The following UNC5D variants were observed in gnomAD, a reference collection of about 807,000 sequenced individuals.
UNC5D encodes netrin receptor UNC5D.
UNC5D carries 39 observed loss-of-function variants against 105.4 expected under a neutral mutation model. The observed-to-expected ratio is 0.37, with a 90% CI of 0.29 to 0.48. The LOEUF (loss-of-function observed/expected upper bound fraction) is 0.48, where lower values mean the gene tolerates loss of function less well. Ranked by LOEUF, UNC5D falls within the 20% of genes least tolerant of loss-of-function variation. The pLI, the probability that UNC5D is intolerant of heterozygous loss-of-function variation, is 0.98. For synonymous variants in UNC5D, 452 were observed against 450.4 expected (o/e 1.00, Z -0.04); for missense variants, 991 against 1,202.4 (o/e 0.82, Z 2.60).
chr8:35,683,718 G>C lies in UNC5D; in HGVS notation c.742G>C (p.Val248Leu), dbSNP rs1825822282. The change falls in exon 5 of 17, where the codon GTG becomes CTG. Residue 248 changes from valine (V) to leucine (L), a missense_variant. Physicochemically the swap from Val to Leu is conservative, Grantham distance 32. Around this residue, in one of 3 missense-constraint regions of UNC5D, gnomAD observed 944 missense variants for 1,131.6 expected, o/e 0.83. Coordinates refer to ENST00000404895, the MANE Select transcript of UNC5D (RefSeq NM_080872.4). ...GAGGAGAAGCCTGTCGGCCACTGTTGTGGTCTACGGTAAGACCATTCCAAA... is the reference window on the plus strand; with the variant it reads ...GAGGAGAAGCCTGTCGGCCACTGTTCTGGTCTACGGTAAGACCATTCCAAA... Reference protein sequence around the residue: ...AKRRSLSATVVVYVNGGWSSW... With the variant: ...AKRRSLSATVLVYVNGGWSSW... 6.5e-7 allele frequency: 1 copy of C among 1,538,810 alleles called. No individual in the cohort carries two copies. The highest frequency in any genetic ancestry group is 1.4e-5 in the African/African-American group (1 of 70,576).
At chr8:35,722,839 A>G (rs1358342400) in intron 9 of UNC5D, among the ~76,000 whole-genome samples, 2 of 149,956 alleles carry the variant, frequency 1.3e-5, no homozygotes, top group Non-Finnish European at 2.9e-5. Flanking sequence ...TTCTATTTTA[A>G]ATAAGTAAAC....
intron 16 of UNC5D, among the ~76,000 whole-genome samples, chr8:35,777,052 G>C (rs569359292): frequency 2.6e-4 from 39 of 152,148 alleles, no homozygotes; most frequent in Admixed American, 1.7e-3. Context: ...TCAGGAGTTC[G>C]AGACCAGCCT....
intron 16 of UNC5D, among the ~76,000 whole-genome samples, chr8:35,788,700 GCACACACACA>G (rs150561818): frequency 6.8e-6 from 1 of 146,652 alleles, no homozygotes; most frequent in African/African-American, 2.5e-5. Flanking sequence ...ACACACACAC[GCACACACACA>G]CACACACACA....
intron 4 of UNC5D, among the ~76,000 whole-genome samples, chr8:35,668,557 G>A (rs754729235): frequency 4.6e-5 from 7 of 151,898 alleles, no homozygotes; most frequent in African/African-American, 9.7e-5. Flanking sequence ...CTTTCTTATG[G>A]TACTTTTGTG....
intron 1 of UNC5D, among the ~76,000 whole-genome samples, chr8:35,391,800 C>T (rs1254917860): frequency 2.0e-5 from 3 of 152,168 alleles, no homozygotes; most frequent in Non-Finnish European, 4.4e-5. Context: ...GGCATAAAAA[C>T]TTTGGTCTGG....
At chr8:35,246,442 C>T (rs72632793) in intron 1 of UNC5D, among the ~76,000 whole-genome samples, 7,614 of 152,056 alleles carry the variant, frequency 0.05, 231 homozygotes, top group Non-Finnish European at 0.076. Flanking sequence ...AAATCAGTGG[C>T]TGTAGGTTAA....
intron 1 of UNC5D, among the ~76,000 whole-genome samples, chr8:35,315,656 A>G (rs1265348792): frequency 6.6e-6 from 1 of 152,194 alleles, no homozygotes; most frequent in Non-Finnish European, 1.5e-5. Flanking sequence ...AAGGGGAGCG[A>G]AAGCATGTGC....
intron 1 of UNC5D, among the ~76,000 whole-genome samples, chr8:35,428,736 C>T (rs1435819974): frequency 6.6e-6 from 1 of 152,142 alleles, no homozygotes; most frequent in African/African-American, 2.4e-5. Flanking sequence ...GGTTTTCTAA[C>T]ATCACTTAAC....
rs558287599 is a variant in UNC5D at position 35,575,610 on chromosome 8, A to G, written c.466+7369A>G. ...TCCACTGCTCCCTTCCTATCTGTTC[A>G]GAATGTGGATATATTCCCATGGCAT... On this transcript the variant is annotated intron_variant, in intron 3 of 16. Coordinates refer to ENST00000404895, the MANE Select transcript of UNC5D (RefSeq NM_080872.4). Among the ~76,000 whole-genome samples, 191 of 152,298 alleles carry G rather than the reference A, an allele frequency of 1.3e-3. 5 individuals carry two copies. The South Asian group carries it at 0.038, about 30-fold the overall frequency.
At position 35,755,523 on chromosome 8, in the gene UNC5D, A is replaced by G. The variant is rs7012359; in HGVS notation, c.2164-3797A>G. On this transcript the variant is annotated intron_variant, in intron 13 of 16. Transcript: ENST00000404895. ...AAGTTCAAACAGTTTTGTCTCATAA[A>G]TATGTAAATTTAGCCTGCTTGTTTT... Among the ~76,000 whole-genome samples, 1,325 of 151,428 alleles carry G rather than the reference A, an allele frequency of 8.8e-3. 22 individuals carry two copies. Among genetic ancestry groups the G allele is most frequent in the African/African-American group, 0.031 (1,276 of 40,832 alleles).
At chr8:35,345,655 A>G (rs556441428) in intron 1 of UNC5D, among the ~76,000 whole-genome samples, 1 of 152,188 alleles carries the variant, frequency 6.6e-6, no homozygotes, top group African/African-American at 2.4e-5. Context: ...TATCTCTGGG[A>G]CTTTGCTATA....
intron 4 of UNC5D, among the ~76,000 whole-genome samples, chr8:35,629,508 A>C (rs1233161903): frequency 6.6e-6 from 1 of 152,154 alleles, no homozygotes; most frequent in South Asian, 2.1e-4. Flanking sequence ...ATTCATGGAC[A>C]TAAAGATGGA....
At chr8:35,323,266 T>C (rs933699167) in intron 1 of UNC5D, among the ~76,000 whole-genome samples, 4 of 150,076 alleles carry the variant, frequency 2.7e-5, no homozygotes, top group Admixed American at 6.7e-5. Flanking sequence ...TGGGACCATA[T>C]AAAAGTAATC....
In UNC5D at chr8:35,710,934, CT is replaced by C. The variant is rs775014566; in HGVS notation, c.1117+4995del. Reference sequence around the variant, plus strand: ...GCCTCTTCAGTAGCTCAGCATTATTCTTTTTTTTTTTTTTTTTTTTTTGAGA... The same window carrying C: ...GCCTCTTCAGTAGCTCAGCATTATTCTTTTTTTTTTTTTTTTTTTTTGAGA... On this transcript the variant is annotated intron_variant, in intron 8 of 16. Transcript: ENST00000404895. Among the ~76,000 whole-genome samples, 538 of 114,360 alleles carry C rather than the reference CT, an allele frequency of 4.7e-3. 2 individuals are homozygous for C. The highest frequency in any genetic ancestry group is 0.01 in the Middle Eastern group (2 of 198). The allele number at this position is 114,360 out of a possible 152,430, so 75.0% of individuals were successfully genotyped here.
chr8:35,553,589 T>C (rs1272070869), intron 2 of UNC5D, among the ~76,000 whole-genome samples: 2 of 152,190 alleles, frequency 1.3e-5, no homozygotes, highest in African/African-American at 4.8e-5. Context: ...CTAAACAGTT[T>C]TCTTCTGTGT....
chr8:35,790,495 C>G lies in UNC5D; in HGVS notation c.2794C>G (p.Leu932Val). Residue 932 changes from leucine (L) to valine (V), a missense_variant, in exon 17 of 17, where the codon CTC (leucine) becomes GTC (valine). By Grantham distance (32) the Leu-to-Val change is conservative. Around this residue, in one of 3 missense-constraint regions of UNC5D, gnomAD observed 45 missense variants for 54.5 expected, o/e 0.83. Coordinates refer to ENST00000404895, the MANE Select transcript of UNC5D (RefSeq NM_080872.4). ...LEEIGRTHTK[L>V]SNISESQLDE... ...AGAGATTGGGAGGACACACACGAAACTCTCAAACATTTCAGAATCCCAGCT... is the reference window on the plus strand; with the variant it reads ...AGAGATTGGGAGGACACACACGAAAGTCTCAAACATTTCAGAATCCCAGCT... The G allele has an allele frequency of 6.2e-7, 1 of 1,613,966 alleles. No homozygotes were observed.
At chr8:35,327,985 G>T (rs1452597602) in intron 1 of UNC5D, among the ~76,000 whole-genome samples, 1 of 152,220 alleles carries the variant, frequency 6.6e-6, no homozygotes, top group African/African-American at 2.4e-5. Context: ...ATGTGATTGG[G>T]AAAGTTGTGG....
At chr8:35,747,639 G>A (rs1044534723) in intron 11 of UNC5D, among the ~76,000 whole-genome samples, 3 of 152,160 alleles carry the variant, frequency 2.0e-5, no homozygotes. Context: ...AAAATAAGCA[G>A]ACATCTGGGT....
intron 3 of UNC5D, among the ~76,000 whole-genome samples, chr8:35,577,480 A>C (rs926570267): frequency 1.5e-4 from 23 of 152,224 alleles, no homozygotes; most frequent in African/African-American, 5.1e-4. Flanking sequence ...CACTCACCAA[A>C]TCTGGGACAA....
Sources: gnomAD v4.1 joint callset for allele counts (sites outside exome capture counted in the v4.1 genomes callset) on GRCh38, gnomAD v4.1.1 for gene constraint, gnomAD v4.1.1 regional missense constraint, MANE v1.5 for transcripts, NCBI Gene and HGNC (gene_info 2026-07-23, HGNC 2026-07-21) for gene names.